Variants in CTNNA2 observed in about 807,000 individuals in gnomAD.
The protein encoded by CTNNA2 is catenin alpha-2.
CTNNA2 carries 42 observed loss-of-function variants against 101.0 expected under a neutral mutation model. The ratio of observed to expected loss-of-function variants is 0.42; its 90% CI spans 0.32 to 0.54. The LOEUF (loss-of-function observed/expected upper bound fraction) is 0.54. Ranked by LOEUF, CTNNA2 falls within the 20% of genes least tolerant of loss-of-function variation. The pLI is 0.14. For synonymous variants in CTNNA2, 450 were observed against 456.4 expected (o/e 0.99, Z 0.18); for missense variants, 871 against 1,223.1 (o/e 0.71, Z 4.29).
At chr2:79,645,454 C>G (rs1680752660) in intron 1 of CTNNA2, among the ~76,000 whole-genome samples, 1 of 152,128 alleles carries the variant, frequency 6.6e-6, no homozygotes, top group African/African-American at 2.4e-5. Context: ...TACCTGCCAA[C>G]TACCCTAAAT....
chr2:80,578,658 T>G (rs1481186205), intron 13 of CTNNA2, among the ~76,000 whole-genome samples: 1 of 152,222 alleles, frequency 6.6e-6, no homozygotes, highest in East Asian at 1.9e-4. Context: ...CTCATCTATT[T>G]GCCTGGTGGT....
rs143139238 is a variant in CTNNA2, at chr2:79,764,311, T to C, written c.298+19729T>C. 5.8e-3 allele frequency among the ~76,000 whole-genome samples: 879 copies of C among 152,354 alleles called. 9 individuals carry two copies. The highest frequency in any genetic ancestry group is 0.02 in the African/African-American group (827 of 41,588). On this transcript the variant is annotated intron_variant, in intron 3 of 18. Coordinates refer to ENST00000402739, the MANE Select transcript of CTNNA2 (RefSeq NM_001282597.3). ...CTCAATAATTTGATTTTACTTATTT[T>C]AGCTGTATATTTCCTGTTATGCCAA...
Position 80,303,267 on chromosome 2 carries a change from G to A in CTNNA2, c.1057-89944G>A, listed in dbSNP as rs1573647609. ...CCGATGTCGAGAAACTTGAGGCTGCGGCAGTCCTGGAAGATGCGCACGGGC... is the reference window on the plus strand; with the variant it reads ...CCGATGTCGAGAAACTTGAGGCTGCAGCAGTCCTGGAAGATGCGCACGGGC... On this transcript the variant is annotated intron_variant, in intron 7 of 18. Transcript: ENST00000402739. This position sits in a 1 kb window ranked among gnomAD's most constrained non-coding sequence, Gnocchi z 7.7. The A allele has an allele frequency of 6.2e-7, 1 of 1,613,532 alleles. No homozygotes were observed. The highest frequency in any genetic ancestry group is 8.5e-7 in the Non-Finnish European group (1 of 1,180,016).
At chr2:80,101,770 T>A (rs79114546) in intron 7 of CTNNA2, among the ~76,000 whole-genome samples, 2,816 of 152,224 alleles carry the variant, frequency 0.018, 86 homozygotes, top group African/African-American at 0.064. Flanking sequence ...AGTTAATTGA[T>A]TAGAGATACA....
At chr2:80,573,271 A>G (rs1694759176) in intron 12 of CTNNA2, 1 of 152,230 alleles carries the variant, frequency 6.6e-6, no homozygotes, top group African/African-American at 2.4e-5. Context: ...TTAAGAAGTT[A>G]GTGGAGGTGT....
chr2:79,187,245 C>CTTTTA (rs377536214), intron 1 of CTNNA2, among the ~76,000 whole-genome samples: 110 of 105,822 alleles, frequency 1.0e-3, no homozygotes, highest in African/African-American at 4.9e-3. Context: ...TTTTTCTTTT[C>CTTTTA]TTTTCTTTTC....
chr2:79,617,912 C>T (rs778295605), intron 1 of CTNNA2, among the ~76,000 whole-genome samples: 7 of 152,058 alleles, frequency 4.6e-5, no homozygotes, highest in Non-Finnish European at 1.0e-4. Context: ...ATATGAGAGT[C>T]GGGTTCAAAG....
chr2:80,245,824 G>A (rs1477378807), intron 7 of CTNNA2, among the ~76,000 whole-genome samples: 1 of 13,002 alleles, frequency 7.7e-5, no homozygotes, highest in South Asian at 1.9e-3. Flanking sequence ...TTTTTTTTTT[G>A]CACTCTGTAG....
At chr2:79,509,801 C>G (rs1222728105), upstream of CTNNA2, among the ~76,000 whole-genome samples, 1 of 152,170 alleles carries the variant, frequency 6.6e-6, no homozygotes, top group African/African-American at 2.4e-5. Context: ...AACAAACATG[C>G]TACTGTGGTC....
chr2:80,380,935 T>C (rs756297686), intron 7 of CTNNA2, among the ~76,000 whole-genome samples: 8 of 152,180 alleles, frequency 5.3e-5, no homozygotes, highest in Non-Finnish European at 8.8e-5. Context: ...AGACATGTGT[T>C]CCAGGGTTTC....
chr2:79,641,758 A>G (rs1473007858), intron 1 of CTNNA2, among the ~76,000 whole-genome samples: 2 of 152,194 alleles, frequency 1.3e-5, no homozygotes, highest in Non-Finnish European at 2.9e-5. Context: ...TAAGACTGTG[A>G]ATGCAGTGAA....
At chr2:80,616,430 A>T (rs1160484659) in intron 17 of CTNNA2, 1 of 151,734 alleles carries the variant, frequency 6.6e-6, no homozygotes, top group South Asian at 2.1e-4. Context: ...CTTGTCTTCC[A>T]TGATGAATGC....
chr2:80,355,701 C>T (rs780547074), intron 7 of CTNNA2, among the ~76,000 whole-genome samples: 4 of 152,086 alleles, frequency 2.6e-5, no homozygotes, highest in Non-Finnish European at 4.4e-5. Flanking sequence ...AAAGATGCTC[C>T]GTTGTATATG....
At chr2:80,399,570 A>G (rs1678368139) in intron 8 of CTNNA2, among the ~76,000 whole-genome samples, 1 of 152,166 alleles carries the variant, frequency 6.6e-6, no homozygotes, top group African/African-American at 2.4e-5. Flanking sequence ...GAAAACTCTC[A>G]ATGAAGTGGA....
chr2:79,734,889 A>G (rs919780454), intron 2 of CTNNA2, among the ~76,000 whole-genome samples: 4 of 152,188 alleles, frequency 2.6e-5, no homozygotes, highest in African/African-American at 9.6e-5. Context: ...GTGAGCAACA[A>G]TAATATCTCA....
chr2:80,520,284 G>A (rs765410907), intron 9 of CTNNA2, among the ~76,000 whole-genome samples: 4 of 151,946 alleles, frequency 2.6e-5, no homozygotes, highest in Non-Finnish European at 5.9e-5. Context: ...GGAGAAAGCT[G>A]TTGGTGGCCT....
At chr2:79,727,756 T>G (rs868506109) in intron 2 of CTNNA2, among the ~76,000 whole-genome samples, 139 of 119,364 alleles carry the variant, frequency 1.2e-3, no homozygotes, top group African/African-American at 4.2e-3. Context: ...GTCCCCAGAG[T>G]GTGATGTTCC....
intron 7 of CTNNA2, among the ~76,000 whole-genome samples, chr2:80,102,981 A>G (rs920055058): frequency 4.6e-5 from 7 of 152,198 alleles, no homozygotes; most frequent in Admixed American, 3.3e-4. Flanking sequence ...AAGCACTACC[A>G]GTGCTGCAAG....
chr2:79,548,121 A>G (rs1673855019), intron 1 of CTNNA2: 2 of 152,220 alleles, frequency 1.3e-5, no homozygotes, highest in South Asian at 4.1e-4. Context: ...ATGTTTTAAC[A>G]AAAGGTTTTA....
Sources: allele counts gnomAD v4.1 joint callset (sites outside exome capture counted in the v4.1 genomes callset), GRCh38; gene constraint gnomAD v4.1.1; non-coding constraint Gnocchi (gnomAD v3.1); transcripts MANE v1.5; gene names NCBI Gene and HGNC (gene_info 2026-07-23, HGNC 2026-07-21).